Variants in COL28A1 observed in about 807,000 individuals in gnomAD.
The protein encoded by COL28A1 is collagen alpha-1(XXVIII) chain.
COL28A1 carries 161 observed loss-of-function variants against 150.2 expected under a neutral mutation model. The observed-to-expected ratio is 1.07, with a 90% confidence interval of 0.94 to 1.22. The LOEUF (loss-of-function observed/expected upper bound fraction) is 1.22, where lower values mean the gene tolerates loss of function less well. Among genes scored for constraint, COL28A1 ranks in the 50% most tolerant of loss-of-function variants. The pLI, the probability that COL28A1 is intolerant of heterozygous loss-of-function variation, is 0.00. For synonymous variants in COL28A1, 552 were observed against 469.7 expected, an observed-to-expected ratio of 1.18 and a Z score of -2.26; for missense variants, 1,617 against 1,388.3, an observed-to-expected ratio of 1.16 and a Z score of -2.62.
chr7:7,341,150 A>C, the COL28A1 span, among the ~76,000 whole-genome samples: 1 of 152,138 alleles, frequency 6.6e-6, no homozygotes, highest in Non-Finnish European at 1.5e-5. Flanking sequence ...TTTCAACAGA[A>C]ATTATACGAC....
chr7:7,532,518 T>A (rs1782425841), intron 2 of COL28A1, among the ~76,000 whole-genome samples: 1 of 152,120 alleles, frequency 6.6e-6, no homozygotes, highest in South Asian at 2.1e-4. Context: ...CTGCCTATTT[T>A]ACAAGGTTAC....
At chr7:7,423,976 T>A (rs539708105) in intron 25 of COL28A1, among the ~76,000 whole-genome samples, 2 of 152,340 alleles carry the variant, frequency 1.3e-5, no homozygotes, top group South Asian at 4.1e-4. Context: ...ATGTCATCTG[T>A]GGTCCTTCAG....
intron 33 of COL28A1, among the ~76,000 whole-genome samples, chr7:7,368,510 T>C (rs1414005132): frequency 6.6e-6 from 1 of 152,152 alleles, no homozygotes; most frequent in East Asian, 1.9e-4. Flanking sequence ...ATGAACTAAA[T>C]GTTTATGTCC....
chr7:7,389,412 G>A (rs946801197), intron 27 of COL28A1, among the ~76,000 whole-genome samples: 3 of 152,136 alleles, frequency 2.0e-5, no homozygotes, highest in Non-Finnish European at 4.4e-5. Flanking sequence ...TCATTGTATA[G>A]TTTGAAGTCA....
chr7:7,376,727 A>AGTACT, intron 30 of COL28A1, among the ~76,000 whole-genome samples: 1 of 151,710 alleles, frequency 6.6e-6, no homozygotes, highest in African/African-American at 2.4e-5. Flanking sequence ...AAACGGAGAA[A>AGTACT]ATACACCAAG....
At chr7:7,372,952 G>T in intron 32 of COL28A1, 46 bp downstream of exon 32, 2 of 1,529,432 alleles carry the variant, frequency 1.3e-6, no homozygotes, top group Non-Finnish European at 8.9e-7. Flanking sequence ...GGTACTTAGA[G>T]GAACAACATA....
At chr7:7,378,207 G>A (rs976416731) in intron 30 of COL28A1, among the ~76,000 whole-genome samples, 4 of 152,174 alleles carry the variant, frequency 2.6e-5, no homozygotes, top group Admixed American at 6.5e-5. Flanking sequence ...AAGTAAGATT[G>A]CCTAGAACAG....
At chr7:7,378,553 G>A (rs890398884) in intron 30 of COL28A1, among the ~76,000 whole-genome samples, 1 of 152,180 alleles carries the variant, frequency 6.6e-6, no homozygotes, top group Non-Finnish European at 1.5e-5. Flanking sequence ...TTGTTAGTCT[G>A]AAATGAATCT....
chr7:7,421,364 A>T (rs1287458333), intron 25 of COL28A1, among the ~76,000 whole-genome samples: 1 of 152,148 alleles, frequency 6.6e-6, no homozygotes, highest in South Asian at 2.1e-4. Context: ...ATGACCTAAA[A>T]CTGATTTATG....
intron 3 of COL28A1, among the ~76,000 whole-genome samples, chr7:7,527,198 C>T (rs1458935634): frequency 6.6e-6 from 1 of 152,160 alleles, no homozygotes; most frequent in South Asian, 2.1e-4. Context: ...ATAGATAAGA[C>T]TGTTTCAAAC....
In COL28A1 at chr7:7,495,093, A is replaced by C. The variant is rs567904751; in HGVS notation, c.1027-4447T>G. ...GACAGCGAGCCACATTTGTAATTTT[A>C]AATTCTCTACTAGCCACATTAAGAA... On this transcript the variant is annotated intron_variant, in intron 11 of 34. Coordinates refer to ENST00000399429, the MANE Select transcript of COL28A1 (RefSeq NM_001037763.3). Among the ~76,000 whole-genome samples, 26 of 152,348 alleles carry C rather than the reference A, an allele frequency of 1.7e-4. No homozygotes were observed. The East Asian group carries it at 5.0e-3, about 29-fold the overall frequency.
rs549136140 is a variant in COL28A1 at position 7,423,797 on chromosome 7, TCA to T, written c.1999-3846_1999-3845del. Among the ~76,000 whole-genome samples the T allele has an allele frequency of 3.9e-5, 6 of 152,256 alleles. 1 individual carries two copies. Among genetic ancestry groups the T allele is most frequent in the Admixed American group, 3.9e-4 (6 of 15,296 alleles). The stretch of plus-strand genomic sequence containing the variant: ...TACCTCAGGCCAGCCTTGTCAATGC[TCA>T]GTGTTGCTATTCATTCTCTCCTTCA... On this transcript the variant is annotated intron_variant, in intron 25 of 34. Transcript: ENST00000399429.
intron 25 of COL28A1, among the ~76,000 whole-genome samples, chr7:7,428,509 G>T (rs1277181796): frequency 1.3e-5 from 2 of 152,206 alleles, no homozygotes; most frequent in Non-Finnish European, 2.9e-5. Flanking sequence ...AAGCTTTGGG[G>T]GTGAAAACAC....
chr7:7,459,252 G>T (rs1036521418), intron 15 of COL28A1, among the ~76,000 whole-genome samples: 1 of 152,132 alleles, frequency 6.6e-6, no homozygotes, highest in Non-Finnish European at 1.5e-5. Flanking sequence ...TTCAGTTCTC[G>T]CTGCTCCAAA....
At position 7,360,444 on chromosome 7, in the gene COL28A1, C is replaced by G. The variant is rs1433360843; in HGVS notation, c.3151G>C (p.Glu1051Gln). The G allele has an allele frequency of 6.2e-7, 1 of 1,608,602 alleles. No individual in the cohort carries two copies. The highest frequency in any genetic ancestry group is 1.1e-5 in the South Asian group (1 of 89,854). ...AGTGGCCTGGGGGTGGTGGTGGCCT[C>G]AGATGAGGTAGTGGCAGGCAGATCA... The part of the protein sequence containing the change: ...ADDLPATTSS[E>Q]ATTTPRPLLS... The change falls in exon 34 of 35, where the codon GAG becomes CAG. Residue 1051 changes from glutamate (E) to glutamine (Q), a missense_variant. Coordinates refer to ENST00000399429, the MANE Select transcript of COL28A1 (RefSeq NM_001037763.3).
chr7:7,375,337 A>G, intron 31 of COL28A1, 124 bp downstream of exon 31: 1 of 888,654 alleles, frequency 1.1e-6, no homozygotes, highest in South Asian at 3.6e-5. Context: ...CGACTTTTCA[A>G]ATGAGCTTCA....
chr7:7,350,288 G>A, the COL28A1 span, among the ~76,000 whole-genome samples: 1 of 152,096 alleles, frequency 6.6e-6, no homozygotes, highest in Non-Finnish European at 1.5e-5. Context: ...GTTTCTCAGA[G>A]GCCAGCTGCA....
chr7:7,478,364 T>C (rs1474150580), intron 13 of COL28A1, among the ~76,000 whole-genome samples: 1 of 152,198 alleles, frequency 6.6e-6, no homozygotes, highest in Non-Finnish European at 1.5e-5. Context: ...AGGGTGCTGA[T>C]TGGTGTGTTT....
intron 27 of COL28A1, among the ~76,000 whole-genome samples, chr7:7,382,946 G>A (rs1781949542): frequency 6.6e-6 from 1 of 152,084 alleles, no homozygotes; most frequent in Non-Finnish European, 1.5e-5. Context: ...ACAACTTTGG[G>A]CACCTCAACA....
Sources: allele counts gnomAD v4.1 joint callset (sites outside exome capture counted in the v4.1 genomes callset), GRCh38; gene constraint gnomAD v4.1.1; transcripts MANE v1.5; gene names NCBI Gene and HGNC (gene_info 2026-07-23, HGNC 2026-07-21).